DNAH3: variants seen among roughly 807,000 people sequenced by gnomAD.
DNAH3 encodes the protein dynein axonemal heavy chain 3, also known as axonemal beta dynein heavy chain 3.
Under a neutral mutation model 432.5 loss-of-function variants are expected in DNAH3, and 332 were observed. That is an observed-to-expected ratio of 0.77 (90% CI 0.70 to 0.84). DNAH3 has a LOEUF of 0.84. DNAH3 is among the 40% of genes least tolerant of loss of function. The pLI, the probability that DNAH3 is intolerant of heterozygous loss-of-function variation, is 0.00. For synonymous variants in DNAH3, 1,956 were observed against 1,900.2 expected (o/e 1.03, Z -0.76); for missense variants, 4,861 against 5,114.0 (o/e 0.95, Z 1.51).
intron 39 of DNAH3, among the ~76,000 whole-genome samples, chr16:21,024,181 T>TC (rs2088412767): frequency 6.6e-6 from 1 of 151,678 alleles, no homozygotes; most frequent in African/African-American, 2.4e-5. Context: ...AGGTGGGAGG[T>TC]GCAGAGTCCA....
At chr16:20,951,738 A>AC (rs2084323427) in intron 56 of DNAH3, among the ~76,000 whole-genome samples, 2 of 73,462 alleles carry the variant, frequency 2.7e-5, no homozygotes, top group Non-Finnish European at 5.3e-5. Context: ...CCTGGCCCGT[A>AC]TTTTTTTTTT....
rs756617648 is a variant in DNAH3 at position 20,987,896 on chromosome 16, T to G, written c.6725+46A>C. ...CAGTAGTCAAGGAGGGGCCAGAAAC[T>G]GAGAACCCCCAGCCCACTATCCAGG... On this transcript the variant is annotated intron_variant, in intron 45 of 61. Coordinates refer to ENST00000261383, the Ensembl canonical transcript of DNAH3. The G allele has an allele frequency of 1.9e-5, 30 of 1,613,840 alleles. 1 individual carries two copies. The South Asian group carries it at 3.3e-4, about 18-fold the overall frequency.
intron 29 of DNAH3, among the ~76,000 whole-genome samples, chr16:21,050,464 G>T (rs1054354829): frequency 2.2e-4 from 33 of 151,938 alleles, no homozygotes; most frequent in African/African-American, 7.3e-4. Flanking sequence ...TTTGAGACAG[G>T]TTCTCACTCT....
chr16:20,963,837 G>A, exon 53 of DNAH3: 1 of 1,614,106 alleles, frequency 6.2e-7, no homozygotes, highest in Non-Finnish European at 8.5e-7. Flanking sequence ...AATGGTCAAT[G>A]ATGTACTTGA....
chr16:20,963,597 T>A, exon 53 of DNAH3: 6 of 1,613,988 alleles, frequency 3.7e-6, no homozygotes, highest in Non-Finnish European at 5.1e-6. Context: ...GCAGTTTGGG[T>A]AAGGCAGATG....
At chr16:20,946,145 C>T (rs2084036278) in intron 57 of DNAH3, among the ~76,000 whole-genome samples, 4 of 152,148 alleles carry the variant, frequency 2.6e-5, no homozygotes. Context: ...GCATTACCAT[C>T]AACACAGACC....
chr16:21,147,843 A>G (rs374581580), intron 1 of DNAH3, among the ~76,000 whole-genome samples: 20 of 152,198 alleles, frequency 1.3e-4, no homozygotes, highest in East Asian at 9.6e-4. Context: ...CTTAGCCCCT[A>G]TATGCAAAAC....
chr16:20,951,738 A>ATTTT (rs869256566), intron 56 of DNAH3, among the ~76,000 whole-genome samples: 40 of 73,460 alleles, frequency 5.4e-4, no homozygotes, highest in African/African-American at 7.1e-4. Context: ...CCTGGCCCGT[A>ATTTT]TTTTTTTTTT....
Position 21,141,203 on chromosome 16 carries a change from C to G in DNAH3, c.521+97G>C. 5 of 877,378 alleles carry G rather than the reference C, an allele frequency of 5.7e-6. No individual in the cohort carries two copies. The South Asian group carries it at 8.4e-5, about 15-fold the overall frequency. 54.3% of individuals were successfully genotyped at this position (877,378 alleles called of 1,614,324 possible). ...ATAAGAATATGATTATCTGGGAATG[C>G]TTTGAAGCCAAGAAGCAGAGTGTGG... On this transcript the variant is annotated intron_variant, in intron 4 of 61. Coordinates refer to ENST00000261383, the Ensembl canonical transcript of DNAH3.
exon 35 of DNAH3, chr16:21,036,772 T>C: frequency 6.2e-7 from 1 of 1,613,896 alleles, no homozygotes; most frequent in South Asian, 1.1e-5. Flanking sequence ...TTTGATGTTA[T>C]CATTCAGCAC....
chr16:21,134,279 C>T, exon 7 of DNAH3: 12 of 1,611,930 alleles, frequency 7.4e-6, no homozygotes, highest in Non-Finnish European at 9.3e-6. Flanking sequence ...ACAGTTCTTT[C>T]AGCCTGAGCA....
chr16:21,040,780 G>A (rs916338562), intron 32 of DNAH3, among the ~76,000 whole-genome samples: 4 of 152,136 alleles, frequency 2.6e-5, no homozygotes, highest in African/African-American at 9.7e-5. Flanking sequence ...CCTCTTCATA[G>A]AGTTATCATG....
chr16:21,133,365 A>C (rs2152822559), intron 7 of DNAH3, among the ~76,000 whole-genome samples: 1 of 150,420 alleles, frequency 6.6e-6, no homozygotes, highest in African/African-American at 2.4e-5. Flanking sequence ...TCGTCTCAAA[A>C]AAAAAAAAAA....
intron 20 of DNAH3, among the ~76,000 whole-genome samples, 171 bp from the exon 21 acceptor site, chr16:21,075,732 G>T (rs2090951391): frequency 6.6e-6 from 1 of 151,770 alleles, no homozygotes; most frequent in South Asian, 2.1e-4. Context: ...GGGCAATATA[G>T]CAAAACCCCA....
At chr16:21,019,671 C>G (rs746101448) in exon 41 of DNAH3, 1 of 1,614,072 alleles carries the variant, frequency 6.2e-7, no homozygotes. Context: ...GCTTTTGGGC[C>G]TTGGGTGGTT....
chr16:21,034,975 C>G (rs561745248), intron 35 of DNAH3, among the ~76,000 whole-genome samples: 2 of 152,292 alleles, frequency 1.3e-5, no homozygotes, highest in South Asian at 2.1e-4. Flanking sequence ...TACAAAATCC[C>G]TAACCATTAA....
intron 55 of DNAH3, among the ~76,000 whole-genome samples, chr16:20,953,287 T>G (rs1315961259): frequency 5.9e-5 from 9 of 151,774 alleles, no homozygotes; most frequent in Admixed American, 5.3e-4. Context: ...GCCTCCTGAG[T>G]GGCTGGGATT....
intron 8 of DNAH3, among the ~76,000 whole-genome samples, chr16:21,126,182 C>CAACA (rs756621463): frequency 7.2e-6 from 1 of 137,968 alleles, no homozygotes; most frequent in Non-Finnish European, 1.6e-5. Context: ...AAACAAACAA[C>CAACA]AACAAACAAA....
intron 25 of DNAH3, among the ~76,000 whole-genome samples, chr16:21,061,338 C>T (rs372441309): frequency 7.0e-5 from 10 of 143,512 alleles, no homozygotes; most frequent in African/African-American, 2.6e-4. Flanking sequence ...TGGGTTCAAG[C>T]GATTCTCCTG....
Sources: allele counts gnomAD v4.1 joint callset (sites outside exome capture counted in the v4.1 genomes callset), GRCh38; gene constraint gnomAD v4.1.1; transcripts MANE v1.5; gene names NCBI Gene and HGNC (gene_info 2026-07-23, HGNC 2026-07-21).